Variants in DNHD1 observed in about 807,000 individuals in gnomAD.
The protein encoded by DNHD1 is dynein heavy chain domain-containing protein 1.
Under a neutral mutation model 458.1 loss-of-function variants are expected in DNHD1, and 383 were observed. That is an observed-to-expected ratio of 0.84 (90% CI 0.77 to 0.91). DNHD1 has a LOEUF of 0.91. DNHD1 is among the 40% of genes least tolerant of loss of function. The pLI, the probability that DNHD1 is intolerant of heterozygous loss-of-function variation, is 0.00. For synonymous variants in DNHD1, 2,203 were observed against 2,376.9 expected, an observed-to-expected ratio of 0.93 and a Z score of 2.13; for missense variants, 5,336 against 5,866.1, an observed-to-expected ratio of 0.91 and a Z score of 2.95.
Position 6,571,900 on chromosome 11 carries a change from G to T in DNHD1, c.14176G>T (p.Val4726Leu), listed in dbSNP as rs762194204. The T allele has an allele frequency of 1.2e-6, 2 of 1,614,026 alleles. No individual in the cohort carries two copies. The highest frequency in any genetic ancestry group is 1.7e-6 in the Non-Finnish European group (2 of 1,179,898). The change falls in exon 43 of 43, where the codon GTG (valine) becomes TTG (leucine). Residue 4726 changes from valine (V) to leucine (L), a missense_variant. This residue lies in a region of DNHD1 where 698 missense variants were observed against 664.9 expected (regional missense o/e 1.05). Coordinates refer to ENST00000254579, the MANE Select transcript of DNHD1 (RefSeq NM_144666.3). The surrounding 1 kb of genome is among the most constrained non-coding windows in gnomAD (Gnocchi z 5.0). ...CGCTAAGCTGCAGAGCAGGAACATCGTGATGCATCTGCCTTTACCCACCAA... is the reference window on the plus strand; with the variant it reads ...CGCTAAGCTGCAGAGCAGGAACATCTTGATGCATCTGCCTTTACCCACCAA... The part of the protein sequence containing the change: ...GTAKLQSRNI[V>L]MHLPLPTKLT...
intron 28 of DNHD1, among the ~76,000 whole-genome samples, chr11:6,561,595 C>G (rs1853590185): frequency 6.6e-6 from 1 of 152,134 alleles, no homozygotes; most frequent in African/African-American, 2.4e-5. Flanking sequence ...CAGAGCACTC[C>G]AAATATCAAG....
At chr11:6,556,196 G>T (rs1282717538) in intron 24 of DNHD1, among the ~76,000 whole-genome samples, 2 of 152,006 alleles carry the variant, frequency 1.3e-5, no homozygotes, top group Non-Finnish European at 2.9e-5. Context: ...GGCTGGTCTT[G>T]AACTCCTGGC....
At chr11:6,531,896 CATTTAT>C (rs1306686675) in intron 12 of DNHD1, among the ~76,000 whole-genome samples, 1 of 152,096 alleles carries the variant, frequency 6.6e-6, no homozygotes, top group African/African-American at 2.4e-5. Context: ...TTTATGTTTA[CATTTAT>C]ATTTATAACA....
At chr11:6,533,540 T>C (rs913943343) in intron 13 of DNHD1, 141 bp from the exon 14 acceptor site, 30 of 1,068,440 alleles carry the variant, frequency 2.8e-5, no homozygotes, top group South Asian at 2.3e-4. Context: ...TCAGGAGAGA[T>C]TGCCCCTGAT....
intron 4 of DNHD1, among the ~76,000 whole-genome samples, chr11:6,507,579 G>A (rs1180065887): frequency 6.6e-6 from 1 of 152,076 alleles, no homozygotes; most frequent in Non-Finnish European, 1.5e-5. Context: ...AATGAGAAGA[G>A]TACTGTATAA....
intron 10 of DNHD1, among the ~76,000 whole-genome samples, chr11:6,524,077 A>G (rs1164719524): frequency 6.6e-6 from 1 of 152,220 alleles, no homozygotes; most frequent in Non-Finnish European, 1.5e-5. Context: ...TTTTGTTGGT[A>G]TGTTCTTTTA....
Position 6,547,436 on chromosome 11 carries a change from A to C in DNHD1, c.6497A>C (p.Tyr2166Ser). 1 of 1,551,652 alleles carries C rather than the reference A, an allele frequency of 6.4e-7. No individual in the cohort carries two copies. ...AGTGCCCTGATGGCATCCCTTCCTT[A>C]TGAGTACCGCCTGCAGCACCGGACA... is the stretch of plus-strand genomic sequence containing the variant. ...ILSALMASLPYEYRLQHRTVA... is the reference protein window; with the variant it reads ...ILSALMASLPSEYRLQHRTVA... The change falls in exon 21 of 43, where the codon TAT becomes TCT. Residue 2166 changes from tyrosine (Y) to serine (S), a missense_variant. Physicochemically the swap from Tyr to Ser is moderately radical, Grantham distance 144 (BLOSUM62 -2). Coordinates refer to ENST00000254579, the MANE Select transcript of DNHD1 (RefSeq NM_144666.3).
At chr11:6,526,681 C>T (rs1458557424) in intron 10 of DNHD1, among the ~76,000 whole-genome samples, 2 of 152,140 alleles carry the variant, frequency 1.3e-5, no homozygotes, top group South Asian at 2.1e-4. Context: ...TCCTTTTTCT[C>T]TATTGCTGCT....
Position 6,557,527 on chromosome 11 carries a change from C to T in DNHD1, c.8232C>T (p.Ser2744=), listed in dbSNP as rs1269882263. The stretch of plus-strand genomic sequence containing the variant: ...TTCAGGTCGCCAGAGTCTCAAACTC[C>T]AGAGATCCAAGTCTAACACCATCCA... The part of the protein sequence containing the change: ...YGLQVARVSN[S]RDPSLTPSIG... Residue 2744 remains serine, a synonymous_variant, in exon 25 of 43, where the codon TCC becomes TCT. Coordinates refer to ENST00000254579, the MANE Select transcript of DNHD1 (RefSeq NM_144666.3). 6.4e-7 allele frequency: 1 copy of T among 1,551,660 alleles called. No individual in the cohort carries two copies. The highest frequency in any genetic ancestry group is 2.0e-5 in the Admixed American group (1 of 51,000).
Position 6,564,391 on chromosome 11 carries a change from T to C in DNHD1, c.10343T>C (p.Ile3448Thr), listed in dbSNP as rs1228278429. The change falls in exon 32 of 43, where the codon ATC (isoleucine) becomes ACC (threonine). Residue 3448 changes from isoleucine (I) to threonine (T), a missense_variant. By Grantham distance (89) the Ile-to-Thr change is moderately conservative (BLOSUM62 -1). Coordinates refer to ENST00000254579, the MANE Select transcript of DNHD1 (RefSeq NM_144666.3). ...GATACCCTCCTATGTTCAGCTGCCA[T>C]CATCTACCTGGGTCCCTTCCCACCA... Reference protein sequence around the residue: ...FGDTLLCSAAIIYLGPFPPLR... With the variant: ...FGDTLLCSAATIYLGPFPPLR... 7 of 1,551,172 alleles carry C rather than the reference T, an allele frequency of 4.5e-6. No individual in the cohort carries two copies. Among genetic ancestry groups the C allele is most frequent in the Non-Finnish European group, 6.1e-6 (7 of 1,146,652 alleles).
intron 17 of DNHD1, 147 bp from the exon 18 acceptor site, chr11:6,539,729 G>T: frequency 4.1e-6 from 3 of 727,194 alleles, no homozygotes; most frequent in Non-Finnish European, 6.9e-6. Flanking sequence ...AAGCCTGATG[G>T]TCCCACTCTC....
At chr11:6,516,638 T>G (rs995503293) in intron 7 of DNHD1, among the ~76,000 whole-genome samples, 1 of 152,000 alleles carries the variant, frequency 6.6e-6, no homozygotes, top group African/African-American at 2.4e-5. Context: ...AATTATGTAT[T>G]TATTATGTTT....
chr11:6,547,801 T>C, intron 21 of DNHD1, 62 bp from the exon 22 acceptor site: 1 of 1,540,404 alleles, frequency 6.5e-7, no homozygotes, highest in South Asian at 1.2e-5. Context: ...ACCTTTTTTC[T>C]TTCTTTCACC....
Position 6,568,650 on chromosome 11 carries a change from C to G in DNHD1, c.12662-15C>G. The G allele has an allele frequency of 1.2e-6, 2 of 1,613,884 alleles. No homozygotes were observed. The highest frequency in any genetic ancestry group is 1.7e-6 in the Non-Finnish European group (2 of 1,179,848). ...AACTGTGCTGTGCTGACTCAGCACT[C>G]TCCTTCCTCCCCAGCTGTGCTGACT... On this transcript the variant is annotated splice_polypyrimidine_tract_variant and intron_variant, in intron 38 of 42. Transcript: ENST00000254579.
chr11:6,558,757 A>AG (rs1469568307), intron 26 of DNHD1, 64 bp downstream of exon 26: 7 of 1,524,000 alleles, frequency 4.6e-6, no homozygotes, highest in African/African-American at 4.1e-5. Flanking sequence ...GTTATTACCT[A>AG]GGTCAGTCTC....
intron 18 of DNHD1, among the ~76,000 whole-genome samples, chr11:6,541,082 C>A (rs1008994956): frequency 5.5e-4 from 83 of 152,214 alleles, no homozygotes; most frequent in African/African-American, 1.8e-3. Context: ...AGGGCCTTAG[C>A]TGCAGAAGCT....
chr11:6,545,263 C>G lies in DNHD1; in HGVS notation c.4324C>G (p.Pro1442Ala). 6.4e-7 allele frequency: 1 copy of G among 1,551,728 alleles called. No homozygotes were observed. Among genetic ancestry groups the G allele is most frequent in the South Asian group, 1.2e-5 (1 of 84,062 alleles). Residue 1442 changes from proline (P) to alanine (A), a missense_variant, in exon 21 of 43, where the codon CCA (proline) becomes GCA (alanine). Physicochemically the swap from Pro to Ala is conservative, Grantham distance 27. Coordinates refer to ENST00000254579, the MANE Select transcript of DNHD1 (RefSeq NM_144666.3). This position sits in a 1 kb window ranked among gnomAD's most constrained non-coding sequence, Gnocchi z 4.9. ...VKLQGPLPLH[P>A]DLPKWLASLE... ...GCTGCAGGGTCCCCTTCCTCTGCAT[C>G]CAGATCTCCCTAAGTGGCTGGCCTC...
Position 6,498,177 on chromosome 11 carries a change from G to C in DNHD1, c.-39G>C, listed in dbSNP as rs184014783. 1 of 1,580,886 alleles carries C rather than the reference G, an allele frequency of 6.3e-7. No individual in the cohort carries two copies. The highest frequency in any genetic ancestry group is 1.2e-5 in the South Asian group (1 of 84,716). The stretch of plus-strand genomic sequence containing the variant: ...CTGGCAGTTGGAGCCTGAGCTATGG[G>C]CAAGGTCACTTCGACAGCAGTTGAA... On this transcript the variant is annotated 5_prime_UTR_variant, in exon 3 of 43. Coordinates refer to ENST00000254579, the MANE Select transcript of DNHD1 (RefSeq NM_144666.3).
chr11:6,567,756 C>T lies in DNHD1; in HGVS notation c.12247C>T (p.Gln4083Ter). 1 of 1,613,974 alleles carries T rather than the reference C, an allele frequency of 6.2e-7. No homozygotes were observed. ...YAPTMPFKHS[Q>*]ATQPMLILLP... is the part of the protein sequence containing the mutation. ...TCCCACCATGCCCTTTAAACATAGT[C>T]AGGCTACTCAGCCCATGCTGATCTT... Residue 4083 changes from glutamine to a stop codon, truncating the protein, a stop_gained, in exon 36 of 43, where the codon CAG (glutamine) becomes TAG (stop). Coordinates refer to ENST00000254579, the MANE Select transcript of DNHD1 (RefSeq NM_144666.3). LOFTEE classifies it high-confidence loss of function.
Sources: gnomAD v4.1 joint callset for allele counts (sites outside exome capture counted in the v4.1 genomes callset) on GRCh38, gnomAD v4.1.1 for gene constraint, gnomAD v4.1.1 regional missense constraint, Gnocchi (gnomAD v3.1) non-coding constraint, MANE v1.5 for transcripts, NCBI Gene and HGNC (gene_info 2026-07-23, HGNC 2026-07-21) for gene names.